TRAK1: variants seen among roughly 807,000 people sequenced by gnomAD.
The protein encoded by TRAK1 is trafficking kinesin protein 1, also known as trafficking kinesin-binding protein 1.
In TRAK1, 33 loss-of-function variants were observed where a neutral mutation model predicts 92.1. That is an observed-to-expected ratio of 0.36 (90% CI 0.27 to 0.48). The LOEUF is 0.48. TRAK1 is among the 20% of genes least tolerant of loss of function. The probability of loss-of-function intolerance (pLI) is 0.99; values close to 1 mark genes in which losing one functional copy is unlikely to be tolerated. For synonymous variants in TRAK1, 521 were observed against 517.3 expected, an observed-to-expected ratio of 1.01 and a Z score of -0.10; for missense variants, 1,123 against 1,257.9, an observed-to-expected ratio of 0.89 and a Z score of 1.62.
chr3:42,110,006 T>C lies in TRAK1; in HGVS notation c.92-15414T>C, dbSNP rs558437268. Among the ~76,000 whole-genome samples the C allele has an allele frequency of 4.8e-3, 707 of 147,780 alleles. 4 individuals are homozygous for C. Among genetic ancestry groups the C allele is most frequent in the Middle Eastern group, 0.01 (3 of 288 alleles). On this transcript the variant is annotated intron_variant, in intron 1 of 15. Coordinates refer to ENST00000327628, the MANE Select transcript of TRAK1 (RefSeq NM_001042646.3). Reference sequence around the variant, plus strand: ...TAGGAGATATACCTAATATAAATGATGAGTTAATGGGTGCAGCACACCAAC... The same window carrying C: ...TAGGAGATATACCTAATATAAATGACGAGTTAATGGGTGCAGCACACCAAC...
chr3:42,083,193 G>T (rs1704515298), upstream of TRAK1, among the ~76,000 whole-genome samples: 1 of 152,000 alleles, frequency 6.6e-6, no homozygotes, highest in African/African-American at 2.4e-5. Flanking sequence ...CTTTGTTGTT[G>T]TTTTTTTAAA....
chr3:42,211,589 T>A, intron 14 of TRAK1: 1 of 985,384 alleles, frequency 1.0e-6, no homozygotes, highest in Admixed American at 6.1e-5. Flanking sequence ...ATTGGGATGC[T>A]CCCCTACAGC....
intron 2 of TRAK1, among the ~76,000 whole-genome samples, chr3:42,139,086 A>G (rs926550152): frequency 2.6e-5 from 4 of 152,150 alleles, no homozygotes; most frequent in Non-Finnish European, 5.9e-5. Context: ...ACTTTTCATT[A>G]TCATCTGCTA....
At chr3:42,193,673 T>G (rs1255752971) in intron 8 of TRAK1, 151 bp from the exon 9 acceptor site, 6 of 874,308 alleles carry the variant, frequency 6.9e-6, no homozygotes, top group Non-Finnish European at 1.1e-5. Context: ...AGACTTTACC[T>G]TCAAAATAAT....
At chr3:42,015,777 G>A (rs1040717248) in intron 1 of TRAK1, among the ~76,000 whole-genome samples, 4 of 152,108 alleles carry the variant, frequency 2.6e-5, no homozygotes, top group African/African-American at 7.2e-5. Flanking sequence ...TGACTTGTGC[G>A]TGTATTCCCA....
chr3:42,170,430 A>C (rs761966048), intron 2 of TRAK1, among the ~76,000 whole-genome samples: 3 of 152,168 alleles, frequency 2.0e-5, no homozygotes, highest in Non-Finnish European at 4.4e-5. Context: ...CTGGGGCATC[A>C]GGTGCCAAAT....
intron 1 of TRAK1, among the ~76,000 whole-genome samples, chr3:42,030,381 A>G (rs1016894642): frequency 2.0e-5 from 3 of 148,224 alleles, no homozygotes; most frequent in African/African-American, 7.4e-5. Flanking sequence ...AAATATATAT[A>G]TATATATATG....
At chr3:42,099,394 C>T (rs1706410671) in intron 1 of TRAK1, among the ~76,000 whole-genome samples, 1 of 152,148 alleles carries the variant, frequency 6.6e-6, no homozygotes, top group Non-Finnish European at 1.5e-5. Flanking sequence ...ATGCTGGCAC[C>T]AACTCCAGAC....
At chr3:42,122,455 G>T (rs1368366521) in intron 1 of TRAK1, among the ~76,000 whole-genome samples, 1 of 151,774 alleles carries the variant, frequency 6.6e-6, no homozygotes, top group Non-Finnish European at 1.5e-5. Flanking sequence ...TTGGTTCCCT[G>T]CCTGTTCTAC....
intron 3 of TRAK1, among the ~76,000 whole-genome samples, chr3:42,181,743 AC>A (rs1467288258): frequency 1.3e-5 from 2 of 152,172 alleles, no homozygotes; most frequent in African/African-American, 2.4e-5. Context: ...ATTTTTGGAG[AC>A]TATACTTCCA....
At chr3:42,070,958 G>A (rs1173741776) in intron 1 of TRAK1, among the ~76,000 whole-genome samples, 2 of 151,946 alleles carry the variant, frequency 1.3e-5, no homozygotes, top group Non-Finnish European at 2.9e-5. Flanking sequence ...TTGGTTCTTA[G>A]GCCTGTGGGC....
chr3:42,013,526 C>A (rs1420270790), upstream of TRAK1, among the ~76,000 whole-genome samples: 1 of 149,068 alleles, frequency 6.7e-6, no homozygotes, highest in Non-Finnish European at 1.5e-5. The surrounding 1 kb of genome is among the most constrained non-coding windows in gnomAD (Gnocchi z 5.1). Context: ...GGCCGGCGGG[C>A]ATCCTGGAGG....
chr3:42,224,197 C>A lies in TRAK1; in HGVS notation c.*460C>A. ...CATCGGACACCTCACCTCGCCCACC[C>A]TGTAGGAGCGTAAGGAGCCTCCATC... On this transcript the variant is annotated 3_prime_UTR_variant, in exon 16 of 16. Transcript: ENST00000327628. 2.4e-6 allele frequency: 1 copy of A among 417,856 alleles called. No individual in the cohort carries two copies. The highest frequency in any genetic ancestry group is 4.7e-6 in the Non-Finnish European group (1 of 213,958). The allele number at this position is 417,856 out of a possible 1,614,324, so 25.9% of individuals were successfully genotyped here.
At chr3:42,215,501 GGT>G (rs3836497) in intron 14 of TRAK1, among the ~76,000 whole-genome samples, 47,638 of 150,946 alleles carry the variant, frequency 0.32, 8,222 homozygotes, top group East Asian at 0.54. Context: ...CCACTGTTGG[GGT>G]GTGTGTGTGT....
At chr3:42,203,984 C>G in intron 13 of TRAK1, 2 of 985,810 alleles carry the variant, frequency 2.0e-6, no homozygotes, top group Non-Finnish European at 2.4e-6. Flanking sequence ...CAAGACATGA[C>G]TGGGTTCCAC....
chr3:42,066,371 G>C (rs1056665838), intron 1 of TRAK1, among the ~76,000 whole-genome samples: 2 of 152,158 alleles, frequency 1.3e-5, no homozygotes, highest in African/African-American at 4.8e-5. Context: ...TCTGAAGTGT[G>C]TTAGAACCCC....
intron 2 of TRAK1, among the ~76,000 whole-genome samples, chr3:42,130,843 G>T (rs1393821323): frequency 6.6e-6 from 1 of 152,150 alleles, no homozygotes; most frequent in African/African-American, 2.4e-5. Context: ...TTCACATGGG[G>T]CCCCTGAGGT....
intron 2 of TRAK1, among the ~76,000 whole-genome samples, chr3:42,143,092 A>G (rs1483099081): frequency 2.0e-5 from 3 of 152,148 alleles, no homozygotes; most frequent in African/African-American, 7.2e-5. Flanking sequence ...CTGCTGATGG[A>G]TTGGAGGGCT....
chr3:42,188,002 C>A, intron 4 of TRAK1, 43 bp from the exon 5 acceptor site: 1 of 1,552,326 alleles, frequency 6.4e-7, no homozygotes, highest in Non-Finnish European at 8.9e-7. Context: ...GGGACAGTAT[C>A]ACCTTTTGGG....
Sources: allele counts gnomAD v4.1 joint callset (sites outside exome capture counted in the v4.1 genomes callset), GRCh38; gene constraint gnomAD v4.1.1; non-coding constraint Gnocchi (gnomAD v3.1); transcripts MANE v1.5; gene names NCBI Gene and HGNC (gene_info 2026-07-23, HGNC 2026-07-21).